IL31RA: variants seen among roughly 807,000 people sequenced by gnomAD.
IL31RA encodes the protein interleukin-31 receptor subunit alpha.
In IL31RA, 66 loss-of-function variants were observed where a neutral mutation model predicts 83.7. That is an observed-to-expected ratio of 0.79 (90% confidence interval 0.65 to 0.97). The LOEUF (loss-of-function observed/expected upper bound fraction) is 0.97, where lower values mean the gene tolerates loss of function less well. IL31RA is among the 50% of genes least tolerant of loss of function. IL31RA has a pLI of 0.00. For missense variants in IL31RA, 798 were observed against 919.4 expected, an observed-to-expected ratio of 0.87 and a Z score of 1.71; for synonymous variants, 325 against 329.0, an observed-to-expected ratio of 0.99 and a Z score of 0.13.
upstream of IL31RA, among the ~76,000 whole-genome samples, chr5:55,847,443 G>A (rs1259264471): frequency 2.0e-5 from 3 of 151,782 alleles, no homozygotes; most frequent in Admixed American, 6.6e-5. Flanking sequence ...TTAGGTGGGC[G>A]TGGTGGTGCA....
At chr5:55,889,305 AAAT>A (rs938740132) in intron 5 of IL31RA, among the ~76,000 whole-genome samples, 1 of 152,218 alleles carries the variant, frequency 6.6e-6, no homozygotes, top group Non-Finnish European at 1.5e-5. Context: ...CATCTAGAGA[AAAT>A]AACTGATTTT....
At chr5:55,850,973 C>G (rs138311616), upstream of IL31RA, among the ~76,000 whole-genome samples, 82 of 152,156 alleles carry the variant, frequency 5.4e-4, no homozygotes, top group African/African-American at 1.9e-3. Context: ...GCCTGTAATC[C>G]CAGCTACATG....
chr5:55,846,271 C>A, the IL31RA span, among the ~76,000 whole-genome samples: 1 of 152,184 alleles, frequency 6.6e-6, no homozygotes, highest in East Asian at 1.9e-4. Flanking sequence ...CATTTAAGCT[C>A]CTTACATGGG....
chr5:55,894,522 A>G (rs1300133836), intron 6 of IL31RA, among the ~76,000 whole-genome samples: 4 of 152,222 alleles, frequency 2.6e-5, no homozygotes, highest in Admixed American at 1.3e-4. Context: ...AGCAATTCTA[A>G]TGGAATTGCA....
intron 5 of IL31RA, among the ~76,000 whole-genome samples, chr5:55,889,187 CAAT>C (rs953672489): frequency 6.7e-6 from 1 of 148,154 alleles, no homozygotes; most frequent in African/African-American, 2.4e-5. Flanking sequence ...ATTGCAGCAA[CAAT>C]GACTGTGCTC....
chr5:55,850,551 CTAAT>C (rs58960873), upstream of IL31RA, among the ~76,000 whole-genome samples: 8,144 of 152,124 alleles, frequency 0.054, 446 homozygotes, highest in African/African-American at 0.14. Context: ...GAAGGTTTAA[CTAAT>C]ATTTCTTTTA....
intron 5 of IL31RA, among the ~76,000 whole-genome samples, chr5:55,883,963 G>T (rs1023075810): frequency 2.0e-5 from 3 of 152,114 alleles, no homozygotes; most frequent in African/African-American, 7.2e-5. Context: ...CATTTTCATT[G>T]CTGTGTAGTA....
chr5:55,886,246 AGCTTGCTTGCTT>A (rs1201794429), intron 5 of IL31RA, among the ~76,000 whole-genome samples: 1 of 131,402 alleles, frequency 7.6e-6, no homozygotes, highest in Admixed American at 7.6e-5. Context: ...CTCCTTAGCT[AGCTTGCTTGCTT>A]GCTTGCTTGC....
intron 11 of IL31RA, chr5:55,908,973 C>A: frequency 1.2e-6 from 1 of 820,468 alleles, no homozygotes; most frequent in Non-Finnish European, 1.5e-6. Flanking sequence ...ATTGTGCAAC[C>A]ATCACCACTA....
At chr5:55,841,343 CAT>C in the IL31RA span, among the ~76,000 whole-genome samples, 7 of 152,206 alleles carry the variant, frequency 4.6e-5, no homozygotes, top group Non-Finnish European at 8.8e-5. Flanking sequence ...TTCATCTCCT[CAT>C]GTTTTCTTAA....
chr5:55,881,102 A>G (rs904749163), intron 4 of IL31RA, among the ~76,000 whole-genome samples: 5 of 152,040 alleles, frequency 3.3e-5, no homozygotes, highest in Non-Finnish European at 7.4e-5. Flanking sequence ...GGAGCTTGAG[A>G]CCGTCTTGGC....
rs985045366 is a variant in IL31RA, at chr5:55,919,271, C to G, written c.*2151C>G. Among the ~76,000 whole-genome samples, 1 of 152,134 alleles carries G rather than the reference C, an allele frequency of 6.6e-6. No individual in the cohort carries two copies. Among genetic ancestry groups the G allele is most frequent in the African/African-American group, 2.4e-5 (1 of 41,422 alleles). On this transcript the variant is annotated 3_prime_UTR_variant, in exon 15 of 15. Transcript: ENST00000652347. ...TGTGGGAGGTGGGTGAGAGGAGAGC[C>G]TGGAACAAGTTCTCCCAAACTTGTC...
At chr5:55,915,180 T>A (rs1749717183) in intron 14 of IL31RA, among the ~76,000 whole-genome samples, 1 of 152,232 alleles carries the variant, frequency 6.6e-6, no homozygotes, top group Admixed American at 6.5e-5. Context: ...CAGGTGGAAC[T>A]GGTCCCATAA....
chr5:55,896,787 ATCTC>A (rs1016655686), intron 7 of IL31RA, among the ~76,000 whole-genome samples: 2 of 46,424 alleles, frequency 4.3e-5, no homozygotes, highest in African/African-American at 1.8e-4. Flanking sequence ...TCCTTTCTCT[ATCTC>A]TCTCTCTCTT....
At chr5:55,844,490 AATAATT>A in the IL31RA span, among the ~76,000 whole-genome samples, 1 of 152,210 alleles carries the variant, frequency 6.6e-6, no homozygotes, top group African/African-American at 2.4e-5. Flanking sequence ...TCAAAGTAAT[AATAATT>A]ATAACAATGT....
intron 4 of IL31RA, among the ~76,000 whole-genome samples, chr5:55,872,937 C>T (rs1746621426): frequency 6.6e-6 from 1 of 152,082 alleles, no homozygotes; most frequent in Non-Finnish European, 1.5e-5. Flanking sequence ...ATAAATTTCA[C>T]CTTTTTAAAA....
chr5:55,922,716 C>A lies in IL31RA; in HGVS notation c.*5596C>A. The A allele has an allele frequency of 6.7e-6, 3 of 445,448 alleles. No homozygotes were observed. The South Asian group carries it at 1.3e-4, about 20-fold the overall frequency. The allele number at this position is 445,448 out of a possible 1,614,324, so 27.6% of individuals were successfully genotyped here. ...CCTTTCATACAAAAAAGCCATAATACCATTTTCATGTAATGCTATACTTCT... is the reference window on the plus strand; with the variant it reads ...CCTTTCATACAAAAAAGCCATAATAACATTTTCATGTAATGCTATACTTCT... On this transcript the variant is annotated 3_prime_UTR_variant, in exon 15 of 15. Transcript: ENST00000652347.
At position 55,916,912 on chromosome 5, in the gene IL31RA, C is replaced by T. The variant is rs1331093472; in HGVS notation, c.2087C>T (p.Pro696Leu). The change falls in exon 15 of 15, where the codon CCG (proline) becomes CTG (leucine). Residue 696 changes from proline (P) to leucine (L), a missense_variant. By Grantham distance (98) the Pro-to-Leu change is moderately conservative. Coordinates refer to ENST00000652347, the MANE Select transcript of IL31RA (RefSeq NM_139017.7). ...FEELPVSPEI[P>L]PRKSQYLRSR... Reference sequence around the variant, plus strand: ...GAGCTCCCAGTTTCACCTGAGATTCCGCCCAGAAAATCCCAATACCTACGT... The same window carrying T: ...GAGCTCCCAGTTTCACCTGAGATTCTGCCCAGAAAATCCCAATACCTACGT... The T allele has an allele frequency of 1.6e-5, 26 of 1,613,942 alleles. No homozygotes were observed. The highest frequency in any genetic ancestry group is 6.7e-5 in the African/African-American group (5 of 74,926).
At chr5:55,867,261 T>TTGTGTGTGTTTG (rs1561543586) in intron 2 of IL31RA, among the ~76,000 whole-genome samples, 1 of 8,444 alleles carries the variant, frequency 1.2e-4, no homozygotes, top group African/African-American at 5.3e-4. Context: ...GTGCGTGTGT[T>TTGTGTGTGTTTG]TGTGTGCGTG....
Sources: allele counts gnomAD v4.1 joint callset (sites outside exome capture counted in the v4.1 genomes callset), GRCh38; gene constraint gnomAD v4.1.1; transcripts MANE v1.5; gene names NCBI Gene and HGNC (gene_info 2026-07-23, HGNC 2026-07-21).